The following MAST4 variants were observed in gnomAD, a reference collection of about 807,000 sequenced individuals.
MAST4 encodes the protein microtubule associated serine/threonine kinase family member 4, also known as microtubule-associated serine/threonine-protein kinase 4.
In MAST4, 89 loss-of-function variants were observed where a neutral mutation model predicts 162.7. That is an observed-to-expected ratio of 0.55 (90% confidence interval 0.46 to 0.65). MAST4 has a LOEUF of 0.65. MAST4 is among the 30% of genes least tolerant of loss of function. The pLI, the probability that MAST4 is intolerant of heterozygous loss-of-function variation, is 0.00. For missense variants in MAST4, 3,153 were observed against 3,374.0 expected (o/e 0.93, Z 1.62); for synonymous variants, 1,479 against 1,361.1 (o/e 1.09, Z -1.91).
chr5:67,060,244 T>G (rs1220459768), intron 5 of MAST4, among the ~76,000 whole-genome samples: 1 of 152,158 alleles, frequency 6.6e-6, no homozygotes, highest in African/African-American at 2.4e-5. Flanking sequence ...TCCACTCCCC[T>G]CAATCTTGCA....
intron 1 of MAST4, among the ~76,000 whole-genome samples, chr5:66,629,813 T>TCA (rs1209274138): frequency 3.2e-4 from 48 of 152,342 alleles, no homozygotes; most frequent in African/African-American, 1.1e-3. Context: ...TATGAGTGGT[T>TCA]AATCACATTT....
chr5:66,777,354 C>A lies in MAST4; in HGVS notation c.518-11316C>A, dbSNP rs530902674. Reference sequence around the variant, plus strand: ...TAAAAAGTAATAATTTATTTTGGGCCTTTTGTCAGATGATAGGTTCTTTGT... The same window carrying A: ...TAAAAAGTAATAATTTATTTTGGGCATTTTGTCAGATGATAGGTTCTTTGT... On this transcript the variant is annotated intron_variant, in intron 2 of 28. Coordinates refer to ENST00000403625, the MANE Select transcript of MAST4 (RefSeq NM_001164664.2). 2.6e-5 allele frequency among the ~76,000 whole-genome samples: 4 copies of A among 152,218 alleles called. No homozygotes were observed. The East Asian group carries it at 7.7e-4, about 29-fold the overall frequency.
At chr5:66,864,738 G>T (rs1425439413) in intron 3 of MAST4, among the ~76,000 whole-genome samples, 1 of 151,814 alleles carries the variant, frequency 6.6e-6, no homozygotes, top group Non-Finnish European at 1.5e-5. Flanking sequence ...CCAAAATTAG[G>T]CTTGGAACAG....
In MAST4 at chr5:67,164,159, G is replaced by T; in HGVS notation, c.4980G>T (p.Lys1660Asn). The T allele has an allele frequency of 6.2e-7, 1 of 1,609,332 alleles. No individual in the cohort carries two copies. Among genetic ancestry groups the T allele is most frequent in the East Asian group, 2.2e-5 (1 of 44,730 alleles). ...CHSLDRGISG[K>N]GEGTEKSSQA... ...CCCTCGACAGGGGCATCTCTGGGAAGGGGGAAGGCACGGAGAAGTCCTCCC... is the reference window on the plus strand; with the variant it reads ...CCCTCGACAGGGGCATCTCTGGGAATGGGGAAGGCACGGAGAAGTCCTCCC... Residue 1660 changes from lysine (K) to asparagine (N), a missense_variant, in exon 29 of 29, where the codon AAG becomes AAT. Lys to Asn is a moderately conservative substitution (Grantham distance 94, BLOSUM62 0). Transcript: ENST00000403625. This position sits in a 1 kb window ranked among gnomAD's most constrained non-coding sequence, Gnocchi z 5.3.
intron 16 of MAST4, among the ~76,000 whole-genome samples, chr5:67,133,179 T>C (rs186247672): frequency 6.6e-6 from 1 of 152,230 alleles, no homozygotes; most frequent in East Asian, 1.9e-4. Context: ...CCCTTTTTTT[T>C]TTATTTTCTT....
At chr5:66,793,747 T>C (rs1561335418) in intron 3 of MAST4, among the ~76,000 whole-genome samples, 1 of 152,212 alleles carries the variant, frequency 6.6e-6, no homozygotes, top group African/African-American at 2.4e-5. Context: ...TGTGTGAAGG[T>C]TTCATTCACA....
chr5:66,605,640 A>G (rs538360500), intron 1 of MAST4, among the ~76,000 whole-genome samples: 1 of 152,202 alleles, frequency 6.6e-6, no homozygotes, highest in Admixed American at 6.5e-5. Flanking sequence ...AAGTCTCCCT[A>G]ATTGGCTACC....
intron 3 of MAST4, among the ~76,000 whole-genome samples, chr5:66,793,811 T>A (rs747155273): frequency 6.6e-6 from 1 of 152,238 alleles, no homozygotes; most frequent in Admixed American, 6.5e-5. Flanking sequence ...TTCCCTATAT[T>A]GCTTGCCACA....
At chr5:66,769,671 AG>A (rs2149634090) in intron 2 of MAST4, among the ~76,000 whole-genome samples, 1 of 152,360 alleles carries the variant, frequency 6.6e-6, no homozygotes, top group Admixed American at 6.5e-5. Flanking sequence ...AACGTAGAAA[AG>A]GTCCAGTAAA....
chr5:66,788,634 C>T (rs918921316), intron 2 of MAST4, 36 bp from the exon 3 acceptor site: 3 of 1,608,266 alleles, frequency 1.9e-6, no homozygotes, highest in South Asian at 1.1e-5. Flanking sequence ...TACCGGCTGC[C>T]TGTCACTTAC....
At chr5:67,141,704 AC>A (rs1020206591) in intron 19 of MAST4, among the ~76,000 whole-genome samples, 31 of 152,322 alleles carry the variant, frequency 2.0e-4, no homozygotes, top group African/African-American at 7.0e-4. Flanking sequence ...TATTCACTTT[AC>A]CTCCAGAGGA....
At position 67,165,305 on chromosome 5, in the gene MAST4, G is replaced by A. The variant is rs376874774; in HGVS notation, c.6126G>A (p.Thr2042=). 12 of 1,613,540 alleles carry A rather than the reference G, an allele frequency of 7.4e-6. No homozygotes were observed. The highest frequency in any genetic ancestry group is 5.3e-5 in the African/African-American group (4 of 75,046). ...AAGCATGGGCGCCGGGTGGGAAAAC[G>A]AACCACAAAGATGGCCCAGGTGAGG... ...MEKAWAPGGK[T]NHKDGPGEAR... The change falls in exon 29 of 29, where the codon ACG becomes ACA. Residue 2042 remains threonine, a synonymous_variant. Coordinates refer to ENST00000403625, the MANE Select transcript of MAST4 (RefSeq NM_001164664.2).
chr5:66,836,710 G>T (rs1757990103), intron 3 of MAST4, among the ~76,000 whole-genome samples: 1 of 152,118 alleles, frequency 6.6e-6, no homozygotes, highest in African/African-American at 2.4e-5. Context: ...ACCAAATACT[G>T]CATGTTCTCA....
chr5:66,818,792 C>T (rs1483394574), intron 3 of MAST4, among the ~76,000 whole-genome samples: 6 of 152,204 alleles, frequency 3.9e-5, no homozygotes, highest in Admixed American at 3.9e-4. Context: ...GCCACCTGGG[C>T]CCTTCGTTCT....
At chr5:66,657,425 G>T (rs924874699) in intron 1 of MAST4, among the ~76,000 whole-genome samples, 1 of 152,090 alleles carries the variant, frequency 6.6e-6, no homozygotes, top group Non-Finnish European at 1.5e-5. Flanking sequence ...TATCCTCATG[G>T]AATAAATTTA....
At chr5:67,113,245 C>T (rs138518737) in intron 11 of MAST4, among the ~76,000 whole-genome samples, 32 of 128,032 alleles carry the variant, frequency 2.5e-4, no homozygotes, top group African/African-American at 8.2e-4. Flanking sequence ...ACCTGGGAGG[C>T]GGAGCTTGCA....
At chr5:66,807,340 C>T (rs976881554) in intron 3 of MAST4, among the ~76,000 whole-genome samples, 2 of 151,774 alleles carry the variant, frequency 1.3e-5, no homozygotes, top group Admixed American at 6.6e-5. Flanking sequence ...ACTAAAAATA[C>T]AAAAAATTAG....
intron 1 of MAST4, among the ~76,000 whole-genome samples, chr5:66,751,208 G>T (rs1239952277): frequency 6.6e-6 from 1 of 152,114 alleles, no homozygotes; most frequent in African/African-American, 2.4e-5. Flanking sequence ...AAACAGAACA[G>T]AAAAACTGGA....
At chr5:66,944,559 T>C (rs532145561) in intron 4 of MAST4, among the ~76,000 whole-genome samples, 1 of 152,236 alleles carries the variant, frequency 6.6e-6, no homozygotes, top group South Asian at 2.1e-4. Context: ...TCTTGCCTTA[T>C]TTTTCTTTTT....
Sources: gnomAD v4.1 joint callset for allele counts (sites outside exome capture counted in the v4.1 genomes callset) on GRCh38, gnomAD v4.1.1 for gene constraint, Gnocchi (gnomAD v3.1) non-coding constraint, MANE v1.5 for transcripts, NCBI Gene and HGNC (gene_info 2026-07-23, HGNC 2026-07-21) for gene names.